NCAM1: variants seen among roughly 807,000 people sequenced by gnomAD.
NCAM1 encodes the protein antigen recognized by monoclonal antibody 5.1H11.
In NCAM1, 14 loss-of-function variants were observed where a neutral mutation model predicts 109.8. The observed-to-expected ratio is 0.13, with a 90% CI of 0.08 to 0.20. The LOEUF is 0.20. Among genes scored for constraint, NCAM1 ranks in the 10% least tolerant of loss-of-function variants. The pLI, the probability that NCAM1 is intolerant of heterozygous loss-of-function variation, is 1.00. For missense variants in NCAM1, 774 were observed against 1,109.9 expected (o/e 0.70, Z 4.30); for synonymous variants, 418 against 442.9 (o/e 0.94, Z 0.70).
intron 16 of NCAM1, among the ~76,000 whole-genome samples, chr11:113,257,880 C>T (rs1271908772): frequency 1.3e-5 from 2 of 152,210 alleles, no homozygotes; most frequent in Non-Finnish European, 2.9e-5. Context: ...ATATACACAT[C>T]CTAGCTTACA....
intron 1 of NCAM1, among the ~76,000 whole-genome samples, chr11:113,184,493 T>C (rs578191247): frequency 3.3e-4 from 51 of 152,354 alleles, no homozygotes; most frequent in African/African-American, 1.2e-3. Context: ...TTATGATTTA[T>C]AGCTAACTCA....
intron 1 of NCAM1, among the ~76,000 whole-genome samples, chr11:112,999,414 T>G (rs1951686274): frequency 6.6e-6 from 1 of 152,188 alleles, no homozygotes; most frequent in Admixed American, 6.5e-5. Context: ...TCTGGAATAT[T>G]TATAATATCC....
At chr11:113,242,216 TTAATAG>T (rs1169038607) in intron 14 of NCAM1, among the ~76,000 whole-genome samples, 3 of 152,254 alleles carry the variant, frequency 2.0e-5, no homozygotes, top group African/African-American at 7.2e-5. Context: ...GCAGCTGGAA[TTAATAG>T]TAAGAATAAA....
chr11:113,228,255 G>C (rs1944905969), intron 9 of NCAM1, among the ~76,000 whole-genome samples: 1 of 152,164 alleles, frequency 6.6e-6, no homozygotes, highest in Non-Finnish European at 1.5e-5. Context: ...CAAAATCAAT[G>C]TGCAAAAATC....
Position 113,233,927 on chromosome 11 carries a change from A to T in NCAM1, c.1693+610A>T, listed in dbSNP as rs1437561825. 3.9e-5 allele frequency among the ~76,000 whole-genome samples: 6 copies of T among 152,158 alleles called. No individual in the cohort carries two copies. Among genetic ancestry groups the T allele is most frequent in the African/African-American group, 1.4e-4 (6 of 41,432 alleles). On this transcript the variant is annotated intron_variant, in intron 13 of 19. Transcript: ENST00000316851. The surrounding 1 kb of genome is among the most constrained non-coding windows in gnomAD (Gnocchi z 4.5). ...GACTCCCCTTTTTGGGTTTAATTGG[A>T]ATAACTCAGTGAAGTATGTTTTGTT...
At chr11:113,191,350 G>A (rs1372232751) in intron 1 of NCAM1, among the ~76,000 whole-genome samples, 2 of 152,204 alleles carry the variant, frequency 1.3e-5, no homozygotes, top group Non-Finnish European at 2.9e-5. Flanking sequence ...TTTAAACTTA[G>A]TATATCCCTG....
At chr11:112,969,315 A>G (rs993800540) in intron 1 of NCAM1, among the ~76,000 whole-genome samples, 8 of 152,204 alleles carry the variant, frequency 5.3e-5, no homozygotes, top group African/African-American at 1.7e-4. Flanking sequence ...AGACTGAGAA[A>G]GGTTAAATGA....
intron 3 of NCAM1, among the ~76,000 whole-genome samples, 158 bp from the exon 4 acceptor site, chr11:113,205,365 C>T (rs1171281178): frequency 6.6e-6 from 1 of 152,170 alleles, no homozygotes; most frequent in Non-Finnish European, 1.5e-5. Context: ...CTTGGGCCAG[C>T]TGCTCTGCCT....
Position 113,009,319 on chromosome 11 carries a change from T to G in NCAM1, c.52+47655T>G, listed in dbSNP as rs1474804872. 6.6e-4 allele frequency among the ~76,000 whole-genome samples: 61 copies of G among 92,414 alleles called. 1 individual carries two copies. Among genetic ancestry groups the G allele is most frequent in the East Asian group, 2.9e-3 (7 of 2,388 alleles). 60.6% of individuals were successfully genotyped at this position (92,414 alleles called of 152,430 possible). ...TTGGAAGGGTTTTTTCGGGTTTTTT[T>G]TTTTTTTTTTTTTTTTTTTTTTATT... On this transcript the variant is annotated intron_variant, in intron 1 of 19. Transcript: ENST00000316851.
intron 1 of NCAM1, among the ~76,000 whole-genome samples, chr11:112,999,437 T>C (rs1951686685): frequency 6.6e-6 from 1 of 152,198 alleles, no homozygotes; most frequent in Non-Finnish European, 1.5e-5. Context: ...ACATTATGAA[T>C]TTCTAGAGAA....
rs978711550 is a variant in NCAM1, at chr11:113,226,312, C to T, written c.1089+4987C>T. Among the ~76,000 whole-genome samples the T allele has an allele frequency of 3.9e-5, 6 of 152,194 alleles. No individual in the cohort carries two copies. The East Asian group carries it at 7.7e-4, about 20-fold the overall frequency. ...TCTGATAAAACAGACTTTAAACCAA[C>T]AAAGATCAAAAGAGACAAAGAAGGC... On this transcript the variant is annotated intron_variant, in intron 9 of 19. Transcript: ENST00000316851.
At chr11:113,077,434 G>A (rs183060324) in intron 1 of NCAM1, among the ~76,000 whole-genome samples, 3 of 152,262 alleles carry the variant, frequency 2.0e-5, no homozygotes, top group Admixed American at 1.3e-4. Flanking sequence ...AACTGTATAC[G>A]CTTCTTCTCT....
chr11:113,265,187 G>T, intron 17 of NCAM1: 2 of 984,458 alleles, frequency 2.0e-6, no homozygotes, highest in Non-Finnish European at 2.4e-6. Flanking sequence ...GGAAATAACA[G>T]TTCATGTGAA....
At chr11:113,180,127 C>G (rs1555107726) in intron 1 of NCAM1, among the ~76,000 whole-genome samples, 1 of 152,196 alleles carries the variant, frequency 6.6e-6, no homozygotes, top group Non-Finnish European at 1.5e-5. Flanking sequence ...GGACGACTGA[C>G]TGGCAGGCTC....
At chr11:113,252,604 A>G (rs1183439424) in intron 15 of NCAM1, among the ~76,000 whole-genome samples, 1 of 152,004 alleles carries the variant, frequency 6.6e-6, no homozygotes, top group Non-Finnish European at 1.5e-5. Context: ...AATAAATCGT[A>G]GGTAAAGCAC....
At chr11:113,208,267 A>G (rs1477282180) in intron 7 of NCAM1, among the ~76,000 whole-genome samples, 2 of 152,152 alleles carry the variant, frequency 1.3e-5, no homozygotes, top group East Asian at 1.9e-4. Flanking sequence ...AGAATGACCT[A>G]AGTACCACTC....
intron 14 of NCAM1, among the ~76,000 whole-genome samples, chr11:113,245,596 T>C (rs1217837210): frequency 6.6e-6 from 1 of 152,206 alleles, no homozygotes; most frequent in Non-Finnish European, 1.5e-5. Flanking sequence ...CACTGGCCTC[T>C]TCCTTTATAT....
rs1252414807 is a variant in NCAM1, at chr11:113,235,055, C to T, written c.1716C>T (p.Thr572=). Residue 572 remains threonine, a synonymous_variant, in exon 14 of 20, where the codon ACC becomes ACT. Coordinates refer to ENST00000316851, the MANE Select transcript of NCAM1 (RefSeq NM_181351.5). ...AKEASMEGIV[T]IVGLKPETTY... is the part of the protein sequence containing the mutation. ...CAGCCAGCATGGAGGGCATCGTCAC[C>T]ATCGTGGGCCTGAAGCCCGAAACAA... is the stretch of plus-strand genomic sequence containing the variant. 3 of 1,565,814 alleles carry T rather than the reference C, an allele frequency of 1.9e-6. No individual in the cohort carries two copies. Among genetic ancestry groups the T allele is most frequent in the Non-Finnish European group, 2.6e-6 (3 of 1,155,044 alleles).
chr11:112,974,981 T>G (rs73002366), intron 1 of NCAM1, among the ~76,000 whole-genome samples: 2,383 of 152,130 alleles, frequency 0.016, 23 homozygotes, highest in Non-Finnish European at 0.025. Flanking sequence ...TTTTTTGAAG[T>G]CTTTTATCTT....
Sources: gnomAD v4.1 joint callset for allele counts (sites outside exome capture counted in the v4.1 genomes callset) on GRCh38, gnomAD v4.1.1 for gene constraint, Gnocchi (gnomAD v3.1) non-coding constraint, MANE v1.5 for transcripts, NCBI Gene and HGNC (gene_info 2026-07-23, HGNC 2026-07-21) for gene names.